Variants in KLHL1 observed in about 807,000 individuals in gnomAD.
KLHL1 encodes the protein kelch-like protein 1.
A neutral mutation model predicts 77.7 loss-of-function variants in KLHL1; 47 were observed. The ratio of observed to expected loss-of-function variants is 0.60; its 90% CI spans 0.48 to 0.77. The LOEUF (loss-of-function observed/expected upper bound fraction) is 0.77, where lower values mean the gene tolerates loss of function less well. KLHL1 is among the 30% of genes least tolerant of loss of function. The pLI, the probability that KLHL1 is intolerant of heterozygous loss-of-function variation, is 0.00. For synonymous variants in KLHL1, 360 were observed against 325.2 expected, an observed-to-expected ratio of 1.11 and a Z score of -1.15; for missense variants, 925 against 910.8, an observed-to-expected ratio of 1.02 and a Z score of -0.20.
intron 4 of KLHL1, among the ~76,000 whole-genome samples, chr13:69,883,255 C>T (rs955886404): frequency 6.6e-6 from 1 of 152,040 alleles, no homozygotes; most frequent in Non-Finnish European, 1.5e-5. Context: ...TATTTTGGTT[C>T]AAATTTCTTG....
Position 69,984,483 on chromosome 13 carries a change from A to T in KLHL1, c.498-8681T>A, listed in dbSNP as rs144607084. On this transcript the variant is annotated intron_variant, in intron 1 of 10. Coordinates refer to ENST00000377844, the MANE Select transcript of KLHL1 (RefSeq NM_020866.3). ...GCCAGATAGAAAAACTGTTTGCATA[A>T]TAAAAGATTAGGGTGGGGCAGCCAG... 3.0e-4 allele frequency among the ~76,000 whole-genome samples: 46 copies of T among 152,280 alleles called. No individual in the cohort carries two copies. In the East Asian group the frequency reaches 8.7e-3, roughly 29 times the overall value.
intron 1 of KLHL1, among the ~76,000 whole-genome samples, chr13:70,082,286 C>G (rs1357714195): frequency 2.0e-5 from 3 of 146,526 alleles, no homozygotes; most frequent in Non-Finnish European, 4.5e-5. Context: ...AGAGTTTAAC[C>G]AGGAGCCCTT....
chr13:69,808,603 A>G (rs9564620), intron 6 of KLHL1, among the ~76,000 whole-genome samples: 56,629 of 151,858 alleles, frequency 0.37, 10,928 homozygotes, highest in African/African-American at 0.46. Flanking sequence ...AAAGAAATAC[A>G]AAGTGTCAGC....
chr13:70,098,356 C>T (rs1321846290), intron 1 of KLHL1, among the ~76,000 whole-genome samples: 5 of 151,454 alleles, frequency 3.3e-5, no homozygotes, highest in Non-Finnish European at 3.0e-5. Flanking sequence ...ATAAATGTTC[C>T]CTGTGTAATT....
At chr13:69,818,217 A>ATTTTTTTTT (rs1878195724) in intron 6 of KLHL1, among the ~76,000 whole-genome samples, 11 of 124,406 alleles carry the variant, frequency 8.8e-5, no homozygotes, top group African/African-American at 3.9e-4. Context: ...ACTCATAGGC[A>ATTTTTTTTT]TCTTTTTTTT....
chr13:69,833,856 TACACAC>T lies in KLHL1; in HGVS notation c.1414+5114_1414+5119del, dbSNP rs35739445. Among the ~76,000 whole-genome samples, 1,273 of 144,024 alleles carry T rather than the reference TACACAC, an allele frequency of 8.8e-3. 17 individuals are homozygous for T. Among genetic ancestry groups the T allele is most frequent in the African/African-American group, 0.031 (1,161 of 37,642 alleles). The allele number at this position is 144,024 out of a possible 152,430, so 94.5% of individuals were successfully genotyped here. A position where few individuals can be genotyped will look rare whatever the true frequency, so the allele number is the denominator to read the frequency against. On this transcript the variant is annotated intron_variant, in intron 6 of 10. Transcript: ENST00000377844. ...ACATATATATATACACACACATATA[TACACAC>T]ACACACACACACACACATATGCCAT...
At chr13:69,898,256 A>G (rs1457048654) in intron 4 of KLHL1, among the ~76,000 whole-genome samples, 2 of 152,298 alleles carry the variant, frequency 1.3e-5, no homozygotes, top group Non-Finnish European at 2.9e-5. Flanking sequence ...AAGCCTAAGG[A>G]TGAAATGTAG....
chr13:69,751,716 AAT>A (rs1874490770), intron 7 of KLHL1, among the ~76,000 whole-genome samples: 4 of 152,138 alleles, frequency 2.6e-5, no homozygotes, highest in Non-Finnish European at 2.9e-5. Context: ...TGAAGTTACT[AAT>A]ATGTTTTAAA....
chr13:69,836,707 C>T (rs1325344926), intron 6 of KLHL1, among the ~76,000 whole-genome samples: 1 of 151,856 alleles, frequency 6.6e-6, no homozygotes, highest in Non-Finnish European at 1.5e-5. Flanking sequence ...TCCATCATTC[C>T]TTCAAACATT....
chr13:69,840,455 C>CTCAGGTGA (rs2138112808), intron 5 of KLHL1, among the ~76,000 whole-genome samples: 1 of 152,024 alleles, frequency 6.6e-6, no homozygotes, highest in South Asian at 2.1e-4. Flanking sequence ...AACTCCTGAC[C>CTCAGGTGA]TCAGGTGATC....
intron 6 of KLHL1, among the ~76,000 whole-genome samples, chr13:69,821,874 G>A (rs953305072): frequency 6.6e-6 from 1 of 152,018 alleles, no homozygotes; most frequent in Admixed American, 6.6e-5. Flanking sequence ...AACCATGGCA[G>A]GGATTTTTAT....
At chr13:69,858,286 T>C (rs939647822) in intron 5 of KLHL1, among the ~76,000 whole-genome samples, 3 of 152,010 alleles carry the variant, frequency 2.0e-5, no homozygotes, top group Non-Finnish European at 4.4e-5. Context: ...GGGGGTTGGG[T>C]GAGACTCCTT....
chr13:69,813,267 T>C (rs1238953426), intron 6 of KLHL1, among the ~76,000 whole-genome samples: 1 of 150,312 alleles, frequency 6.7e-6, no homozygotes, highest in Non-Finnish European at 1.5e-5. Flanking sequence ...AGGTGGGAAT[T>C]GAACAATGAG....
intron 1 of KLHL1, among the ~76,000 whole-genome samples, chr13:70,052,589 A>C (rs980468061): frequency 6.6e-6 from 1 of 151,944 alleles, no homozygotes; most frequent in South Asian, 2.1e-4. Flanking sequence ...AATTTTAAGT[A>C]TATTTTGAAT....
chr13:70,102,774 T>A (rs1349912344), intron 1 of KLHL1, among the ~76,000 whole-genome samples: 1 of 152,234 alleles, frequency 6.6e-6, no homozygotes, highest in Admixed American at 6.5e-5. Flanking sequence ...TAAGATGTTA[T>A]TAATTTTAAC....
chr13:70,007,368 C>A (rs1238802086), intron 1 of KLHL1, among the ~76,000 whole-genome samples: 1 of 151,748 alleles, frequency 6.6e-6, no homozygotes, highest in East Asian at 1.9e-4. Context: ...ACATATACAT[C>A]TATATAGGTA....
chr13:69,747,610 T>A (rs1874272944), intron 7 of KLHL1, among the ~76,000 whole-genome samples: 1 of 151,922 alleles, frequency 6.6e-6, no homozygotes, highest in Non-Finnish European at 1.5e-5. Context: ...TGAAAGAGAA[T>A]ATATATAAAG....
intron 4 of KLHL1, among the ~76,000 whole-genome samples, chr13:69,911,896 T>G (rs534562088): frequency 1.3e-5 from 2 of 152,298 alleles, no homozygotes; most frequent in Non-Finnish European, 2.9e-5. Context: ...CATTCCTAAT[T>G]ACTGCCCACA....
chr13:70,050,566 A>T (rs1025929076), intron 1 of KLHL1, among the ~76,000 whole-genome samples: 1 of 151,924 alleles, frequency 6.6e-6, no homozygotes, highest in Admixed American at 6.6e-5. Context: ...ATGTGTCATA[A>T]TTTGTATTCA....
Sources: allele counts gnomAD v4.1 joint callset (sites outside exome capture counted in the v4.1 genomes callset), GRCh38; gene constraint gnomAD v4.1.1; transcripts MANE v1.5; gene names NCBI Gene and HGNC (gene_info 2026-07-23, HGNC 2026-07-21).